Variants in LRRC4B observed in about 807,000 individuals in gnomAD.
LRRC4B encodes leucine rich repeat containing 4B.
In LRRC4B, 1 loss-of-function variant was observed where a neutral mutation model predicts 7.3. The ratio of observed to expected loss-of-function variants is 0.14; its 90% confidence interval spans 0.05 to 0.65. The LOEUF (loss-of-function observed/expected upper bound fraction) is 0.65. Among genes scored for constraint, LRRC4B ranks in the 30% least tolerant of loss-of-function variants. The pLI is 0.84. For synonymous variants in LRRC4B, 500 were observed against 499.2 expected (o/e 1.00, Z -0.02); for missense variants, 730 against 1,041.6 (o/e 0.70, Z 4.12).
chr19:50,550,244 G>A (rs923482234), intron 1 of LRRC4B, among the ~76,000 whole-genome samples: 3 of 152,046 alleles, frequency 2.0e-5, no homozygotes, highest in South Asian at 4.1e-4. Context: ...GGGGTACTTC[G>A]GCCCTGGGTC....
chr19:50,536,855 G>A (rs1981317479), intron 2 of LRRC4B, among the ~76,000 whole-genome samples: 1 of 152,182 alleles, frequency 6.6e-6, no homozygotes, highest in Non-Finnish European at 1.5e-5. Context: ...AGTAGAGGGT[G>A]CCCCTGAGCT....
chr19:50,560,085 A>G (rs929153051), intron 1 of LRRC4B, among the ~76,000 whole-genome samples: 2 of 152,174 alleles, frequency 1.3e-5, no homozygotes, highest in African/African-American at 4.8e-5. Context: ...CAGTGAGCCG[A>G]GATCGCACCA....
intron 2 of LRRC4B, among the ~76,000 whole-genome samples, chr19:50,540,344 A>G (rs1364405499): frequency 6.6e-6 from 1 of 152,102 alleles, no homozygotes; most frequent in Non-Finnish European, 1.5e-5. Context: ...GCGGCATTAC[A>G]TTCTCTTTTA....
chr19:50,543,870 A>G (rs6509479), intron 2 of LRRC4B, among the ~76,000 whole-genome samples: 25,884 of 135,876 alleles, frequency 0.19, 2,795 homozygotes, highest in Admixed American at 0.28. Flanking sequence ...AAAAAAAAAA[A>G]AAAGAAAGAA....
chr19:50,518,325 C>A lies in LRRC4B; in HGVS notation c.1388G>T (p.Gly463Val). Reference protein sequence around the residue: ...VSAVDPVAAGGTGSGGGGPGG... With the variant: ...VSAVDPVAAGVTGSGGGGPGG... Reference sequence around the variant, plus strand: ...AGGGCCGCCCCCGCCGCTGCCGGTGCCCCCGGCCGCCACGGGGTCCACGGC... The same window carrying A: ...AGGGCCGCCCCCGCCGCTGCCGGTGACCCCGGCCGCCACGGGGTCCACGGC... The change falls in exon 3 of 3, where the codon GGC becomes GTC. Residue 463 changes from glycine to valine, a missense_variant. By Grantham distance (109) the Gly-to-Val change is moderately radical (BLOSUM62 -3). Coordinates refer to ENST00000652263, the MANE Select transcript of LRRC4B (RefSeq NM_001080457.2). 1.2e-6 allele frequency: 2 copies of A among 1,604,130 alleles called. No individual in the cohort carries two copies. The highest frequency in any genetic ancestry group is 3.4e-5 in the Admixed American group (2 of 58,656).
chr19:50,537,328 C>A lies in LRRC4B; in HGVS notation c.297+11214G>T, dbSNP rs537279901. Among the ~76,000 whole-genome samples the A allele has an allele frequency of 6.6e-6, 1 of 152,162 alleles. No individual in the cohort carries two copies. Among genetic ancestry groups the A allele is most frequent in the Admixed American group, 6.5e-5 (1 of 15,276 alleles). ...GAATAGGACCTACTCAGGGGGCTGT[C>A]GTGAGGCTGAAATTCACTGACCCTG... On this transcript the variant is annotated intron_variant, in intron 2 of 2. Coordinates refer to ENST00000652263, the MANE Select transcript of LRRC4B (RefSeq NM_001080457.2). This position sits in a 1 kb window ranked among gnomAD's most constrained non-coding sequence, Gnocchi z 5.5.
chr19:50,555,123 G>C lies in LRRC4B; in HGVS notation c.-35-6250C>G, dbSNP rs1223697101. Among the ~76,000 whole-genome samples the C allele has an allele frequency of 2.6e-5, 4 of 152,198 alleles. No individual in the cohort carries two copies. Among genetic ancestry groups the C allele is most frequent in the Non-Finnish European group, 2.9e-5 (2 of 68,042 alleles). ...CCCCCACGCACCCCTAGTAGTGATG[G>C]GAAATACTGATTACATGTGGGTGCC... On this transcript the variant is annotated intron_variant, in intron 1 of 2. Coordinates refer to ENST00000652263, the MANE Select transcript of LRRC4B (RefSeq NM_001080457.2). This position sits in a 1 kb window ranked among gnomAD's most constrained non-coding sequence, Gnocchi z 5.2.
intron 2 of LRRC4B, among the ~76,000 whole-genome samples, chr19:50,547,282 C>T (rs887329562): frequency 6.6e-6 from 1 of 152,086 alleles, no homozygotes; most frequent in Non-Finnish European, 1.5e-5. Flanking sequence ...TTCTGGACCC[C>T]TTCGCTGGCC....
At chr19:50,551,996 A>G (rs566238690) in intron 1 of LRRC4B, among the ~76,000 whole-genome samples, 16 of 152,018 alleles carry the variant, frequency 1.1e-4, no homozygotes, top group African/African-American at 3.9e-4. Flanking sequence ...TCCGTTATCT[A>G]ATTAACCCAT....
At chr19:50,560,101 C>T (rs1032970775) in intron 1 of LRRC4B, among the ~76,000 whole-genome samples, 2 of 152,184 alleles carry the variant, frequency 1.3e-5, no homozygotes, top group Non-Finnish European at 2.9e-5. Flanking sequence ...CACCACTGTA[C>T]TCCAGCCTCG....
rs1265607385 is a variant in LRRC4B at position 50,559,016 on chromosome 19, C to T, written c.-36+8928G>A. ...TTCAGTCCCCGCAAGGGGCCCATGG[C>T]GAGAGCTGCTGCTGCCCATTTTACA... On this transcript the variant is annotated intron_variant, in intron 1 of 2. Coordinates refer to ENST00000652263, the MANE Select transcript of LRRC4B (RefSeq NM_001080457.2). Among the ~76,000 whole-genome samples the T allele has an allele frequency of 3.9e-5, 6 of 152,166 alleles. No individual in the cohort carries two copies. In the East Asian group the frequency reaches 9.6e-4, roughly 24 times the overall value.
intron 1 of LRRC4B, among the ~76,000 whole-genome samples, chr19:50,566,298 G>T (rs58553034): frequency 6.6e-6 from 1 of 151,894 alleles, no homozygotes. Context: ...CTGCGCGGCC[G>T]GGACTTGGGA....
intron 1 of LRRC4B, among the ~76,000 whole-genome samples, chr19:50,559,674 A>G (rs1982401781): frequency 1.3e-5 from 2 of 152,258 alleles, no homozygotes; most frequent in African/African-American, 4.8e-5. Flanking sequence ...GGTCCTGCCT[A>G]GGAAGGACGC....
chr19:50,518,827 G>A lies in LRRC4B; in HGVS notation c.886C>T (p.Leu296Phe). ...HNNLMSLPHDLFTPLHRLERV... is the reference protein window; with the variant it reads ...HNNLMSLPHDFFTPLHRLERV... Reference sequence around the variant, plus strand: ...TCGAGGCGGTGCAGGGGCGTGAAGAGGTCGTGGGGCAGCGACATCAGGTTG... The same window carrying A: ...TCGAGGCGGTGCAGGGGCGTGAAGAAGTCGTGGGGCAGCGACATCAGGTTG... The change falls in exon 3 of 3, where the codon CTC becomes TTC. Residue 296 changes from leucine (L) to phenylalanine (F), a missense_variant. Coordinates refer to ENST00000652263, the MANE Select transcript of LRRC4B (RefSeq NM_001080457.2). 6.2e-7 allele frequency: 1 copy of A among 1,614,100 alleles called. No homozygotes were observed. The highest frequency in any genetic ancestry group is 8.5e-7 in the Non-Finnish European group (1 of 1,179,994).
At chr19:50,536,926 G>T (rs1352691144) in intron 2 of LRRC4B, among the ~76,000 whole-genome samples, 1 of 152,122 alleles carries the variant, frequency 6.6e-6, no homozygotes, top group Non-Finnish European at 1.5e-5. Flanking sequence ...AGGGTGGCTT[G>T]CAGAAAGGTG....
chr19:50,548,973 C>T lies in LRRC4B; in HGVS notation c.-35-100G>A, dbSNP rs1981941095. The T allele has an allele frequency of 3.1e-6, 2 of 640,334 alleles. No individual in the cohort carries two copies. Among genetic ancestry groups the T allele is most frequent in the South Asian group, 2.0e-5 (1 of 50,718 alleles). 39.7% of individuals were successfully genotyped at this position (640,334 alleles called of 1,614,324 possible). On this transcript the variant is annotated intron_variant, in intron 1 of 2. Transcript: ENST00000652263. The surrounding 1 kb of genome is among the most constrained non-coding windows in gnomAD (Gnocchi z 6.8). The stretch of plus-strand genomic sequence containing the variant: ...CCCAGGCAGCCCCATCGCCGCCTCC[C>T]TGCCCCATGCCCAGAACAAAGGGAC...
At chr19:50,525,612 G>T (rs1388272430) in intron 2 of LRRC4B, among the ~76,000 whole-genome samples, 16 of 149,572 alleles carry the variant, frequency 1.1e-4, no homozygotes, top group Non-Finnish European at 2.1e-4. Context: ...AGAGACGAGG[G>T]TTTTATCATG....
At chr19:50,564,863 G>A (rs1157404958) in intron 1 of LRRC4B, among the ~76,000 whole-genome samples, 1 of 96,252 alleles carries the variant, frequency 1.0e-5, no homozygotes, top group African/African-American at 4.4e-5. Flanking sequence ...AGGGACTGAG[G>A]ATTCAGCGGC....
intron 1 of LRRC4B, among the ~76,000 whole-genome samples, chr19:50,551,618 C>A (rs1216120326): frequency 1.4e-5 from 2 of 142,620 alleles, no homozygotes; most frequent in East Asian, 2.2e-4. Flanking sequence ...GAGTCTCCCC[C>A]CTCACAATCT....
Sources: allele counts gnomAD v4.1 joint callset (sites outside exome capture counted in the v4.1 genomes callset), GRCh38; gene constraint gnomAD v4.1.1; non-coding constraint Gnocchi (gnomAD v3.1); transcripts MANE v1.5; gene names NCBI Gene and HGNC (gene_info 2026-07-23, HGNC 2026-07-21).